The following SSBP2 variants were observed in gnomAD, a reference collection of about 807,000 sequenced individuals.
The protein encoded by SSBP2 is single-stranded DNA-binding protein 2.
SSBP2 carries 17 observed loss-of-function variants against 61.8 expected under a neutral mutation model. That is an observed-to-expected ratio of 0.28 (90% CI 0.19 to 0.41). The LOEUF (loss-of-function observed/expected upper bound fraction) is 0.41. Among genes scored for constraint, SSBP2 ranks in the 10% least tolerant of loss-of-function variants. SSBP2 has a pLI of 1.00. For missense variants in SSBP2, 310 were observed against 458.7 expected (o/e 0.68, Z 2.96); for synonymous variants, 139 against 141.3 (o/e 0.98, Z 0.12).
chr5:81,636,547 G>C lies in SSBP2; in HGVS notation c.197+10C>G. 4 of 1,605,990 alleles carry C rather than the reference G, an allele frequency of 2.5e-6. No individual in the cohort carries two copies. Among genetic ancestry groups the C allele is most frequent in the Non-Finnish European group, 3.4e-6 (4 of 1,175,110 alleles). Reference sequence around the variant, plus strand: ...ATCAAGCCAGTAAAAATGGAATAAAGGATACTTACCACCACCAAGAATGTA... The same window carrying C: ...ATCAAGCCAGTAAAAATGGAATAAACGATACTTACCACCACCAAGAATGTA... On this transcript the variant is annotated intron_variant, in intron 3 of 16. Transcript: ENST00000320672.
chr5:81,574,303 AT>A lies in SSBP2; in HGVS notation c.282+41169del, dbSNP rs1408922149. The stretch of plus-strand genomic sequence containing the variant: ...ACCAAAATTAAGACTCAGTGGATGG[AT>A]TTAACAGGGTATTAGCCCAACTGAA... On this transcript the variant is annotated intron_variant, in intron 4 of 16. Transcript: ENST00000320672. 3.9e-5 allele frequency among the ~76,000 whole-genome samples: 6 copies of A among 152,272 alleles called. No individual in the cohort carries two copies. The East Asian group carries it at 1.2e-3, about 29-fold the overall frequency.
chr5:81,425,723 TAA>T (rs921324797), intron 16 of SSBP2, among the ~76,000 whole-genome samples: 1 of 144,966 alleles, frequency 6.9e-6, no homozygotes. Context: ...GTTGTGATCT[TAA>T]AAAAAAAAAA....
chr5:81,481,089 T>C (rs550261016), intron 6 of SSBP2, among the ~76,000 whole-genome samples: 2 of 152,220 alleles, frequency 1.3e-5, no homozygotes, highest in Admixed American at 6.5e-5. Context: ...TCACGACATC[T>C]GTAGTGACTT....
At chr5:81,442,160 A>C (rs1763080125) in intron 13 of SSBP2, among the ~76,000 whole-genome samples, 1 of 152,084 alleles carries the variant, frequency 6.6e-6, no homozygotes, top group South Asian at 2.1e-4. Context: ...AATCATGACT[A>C]TATGCTTTAT....
chr5:81,503,380 G>C lies in SSBP2; in HGVS notation c.372+10248C>G, dbSNP rs1767944497. Among the ~76,000 whole-genome samples the C allele has an allele frequency of 2.0e-5, 3 of 152,286 alleles. No individual in the cohort carries two copies. In the South Asian group the frequency reaches 6.2e-4, roughly 32 times the overall value. ...GAGGCAGGAGAATAGCTTGAACCCG[G>C]GAGGGGGAGGTTGCAATGAGCTGAG... On this transcript the variant is annotated intron_variant, in intron 5 of 16. Transcript: ENST00000320672.
chr5:81,734,049 G>A (rs1756437580), intron 1 of SSBP2, among the ~76,000 whole-genome samples: 1 of 152,146 alleles, frequency 6.6e-6, no homozygotes, highest in Admixed American at 6.5e-5. Flanking sequence ...AAAGTAAATG[G>A]ACAAAAGGAT....
At chr5:81,636,363 T>A in intron 3 of SSBP2, 194 bp downstream of exon 3, 1 of 432,062 alleles carries the variant, frequency 2.3e-6, no homozygotes, top group Non-Finnish European at 4.2e-6. Flanking sequence ...CCAATTCCAG[T>A]TGAACTCAAT....
intron 1 of SSBP2, among the ~76,000 whole-genome samples, chr5:81,665,529 T>C (rs986093109): frequency 6.6e-6 from 1 of 152,204 alleles, no homozygotes; most frequent in African/African-American, 2.4e-5. Flanking sequence ...AGTCTCACTC[T>C]GTCGCCCAGG....
chr5:81,432,589 T>C (rs1468445351), intron 15 of SSBP2, among the ~76,000 whole-genome samples: 1 of 151,878 alleles, frequency 6.6e-6, no homozygotes, highest in African/African-American at 2.4e-5. Flanking sequence ...CTACTAAAAA[T>C]ACAAAAATTA....
At position 81,442,635 on chromosome 5, in the gene SSBP2, A is replaced by C; in HGVS notation, c.849+18T>G. 6.9e-7 allele frequency: 1 copy of C among 1,454,652 alleles called. No individual in the cohort carries two copies. The highest frequency in any genetic ancestry group is 9.5e-7 in the Non-Finnish European group (1 of 1,053,790). 90.1% of individuals were successfully genotyped at this position (1,454,652 alleles called of 1,614,324 possible). On this transcript the variant is annotated intron_variant, in intron 13 of 16. Coordinates refer to ENST00000320672, the MANE Select transcript of SSBP2 (RefSeq NM_012446.5). ...AGTCTTCAAATACATTCCAAAAATA[A>C]AAAAAGTTCATATTTACATTAGGTC...
intron 1 of SSBP2, among the ~76,000 whole-genome samples, chr5:81,718,118 T>C (rs76251689): frequency 5.9e-4 from 90 of 152,254 alleles, no homozygotes; most frequent in African/African-American, 2.0e-3. Flanking sequence ...ACCCAGACTT[T>C]TAAGCAAATA....
rs562135896 is a variant in SSBP2 at position 81,431,962 on chromosome 5, T to G, written c.958-3279A>C. Among the ~76,000 whole-genome samples the G allele has an allele frequency of 5.9e-5, 9 of 152,368 alleles. No homozygotes were observed. In the South Asian group the frequency reaches 1.7e-3, roughly 28 times the overall value. On this transcript the variant is annotated intron_variant, in intron 15 of 16. Coordinates refer to ENST00000320672, the MANE Select transcript of SSBP2 (RefSeq NM_012446.5). ...TTGTTTCAAACCTTTTAAAACTTTT[T>G]AAAATTTTAAATTTTTCCATTTTCA...
In SSBP2 at chr5:81,420,432, A is replaced by G. The variant is rs764788966; in HGVS notation, c.*72T>C. ...TTTGTTTAACTGTACACTGTGATGA[A>G]TAATTTTCTTCCGTAGTAGTTCTGT... On this transcript the variant is annotated 3_prime_UTR_variant, in exon 17 of 17. Coordinates refer to ENST00000320672, the MANE Select transcript of SSBP2 (RefSeq NM_012446.5). 27 of 1,426,926 alleles carry G rather than the reference A, an allele frequency of 1.9e-5. No individual in the cohort carries two copies. The highest frequency in any genetic ancestry group is 2.6e-5 in the Non-Finnish European group (26 of 1,010,312). 88.4% of individuals were successfully genotyped at this position (1,426,926 alleles called of 1,614,324 possible).
Position 81,483,764 on chromosome 5 carries a change from T to TATAC in SSBP2, c.432+5485_432+5486insGTAT, listed in dbSNP as rs1554072833. Among the ~76,000 whole-genome samples, 6 of 149,234 alleles carry TATAC rather than the reference T, an allele frequency of 4.0e-5. No individual in the cohort carries two copies. The South Asian group carries it at 6.4e-4, about 16-fold the overall frequency. On this transcript the variant is annotated intron_variant, in intron 6 of 16. Coordinates refer to ENST00000320672, the MANE Select transcript of SSBP2 (RefSeq NM_012446.5). ...CAACTCACCATTTGACATATATATA[T>TATAC]ACACACACACACACACACACATTTA...
chr5:81,650,551 A>G (rs543831928), intron 1 of SSBP2, among the ~76,000 whole-genome samples: 1 of 152,040 alleles, frequency 6.6e-6, no homozygotes, highest in African/African-American at 2.4e-5. Flanking sequence ...AAAAAGACAA[A>G]TGTATTTTTT....
chr5:81,639,309 A>C (rs1458375916), intron 2 of SSBP2, among the ~76,000 whole-genome samples: 2 of 152,230 alleles, frequency 1.3e-5, no homozygotes, highest in East Asian at 3.8e-4. Context: ...ATTTAAAACA[A>C]GGTCAATATC....
At chr5:81,473,860 T>A in intron 7 of SSBP2, 90 bp from the exon 8 acceptor site, 1 of 1,202,528 alleles carries the variant, frequency 8.3e-7, no homozygotes, top group Non-Finnish European at 1.2e-6. Flanking sequence ...TGTTACTGTC[T>A]CATTTACCAA....
At chr5:81,715,090 T>C (rs1307590218) in intron 1 of SSBP2, among the ~76,000 whole-genome samples, 1 of 152,106 alleles carries the variant, frequency 6.6e-6, no homozygotes, top group African/African-American at 2.4e-5. Context: ...GCAATCCATA[T>C]TCCTACTACA....
At chr5:81,671,407 T>C (rs1461289431) in intron 1 of SSBP2, among the ~76,000 whole-genome samples, 1 of 152,076 alleles carries the variant, frequency 6.6e-6, no homozygotes, top group African/African-American at 2.4e-5. Context: ...GCATCTACTT[T>C]GTGTAAAGTA....
Sources: gnomAD v4.1 joint callset for allele counts (sites outside exome capture counted in the v4.1 genomes callset) on GRCh38, gnomAD v4.1.1 for gene constraint, MANE v1.5 for transcripts, NCBI Gene and HGNC (gene_info 2026-07-23, HGNC 2026-07-21) for gene names.